PRKAR2A: variants seen among roughly 807,000 people sequenced by gnomAD.
The protein encoded by PRKAR2A is protein kinase cAMP-dependent type II regulatory subunit alpha, also known as cAMP-dependent protein kinase type II-alpha regulatory subunit.
A neutral mutation model predicts 51.9 loss-of-function variants in PRKAR2A; 29 were observed. The observed-to-expected ratio is 0.56, with a 90% CI of 0.42 to 0.76. The LOEUF (loss-of-function observed/expected upper bound fraction) is 0.76. PRKAR2A is among the 30% of genes least tolerant of loss of function. The pLI, the probability that PRKAR2A is intolerant of heterozygous loss-of-function variation, is 0.00. For missense variants in PRKAR2A, 445 were observed against 512.1 expected, an observed-to-expected ratio of 0.87 and a Z score of 1.26; for synonymous variants, 178 against 186.2, an observed-to-expected ratio of 0.96 and a Z score of 0.36.
At chr3:48,842,129 G>A (rs1032937923) in intron 1 of PRKAR2A, among the ~76,000 whole-genome samples, 2 of 151,988 alleles carry the variant, frequency 1.3e-5, no homozygotes, top group African/African-American at 2.4e-5. Flanking sequence ...GGTCCTTCAC[G>A]TCCCTTGTAA....
chr3:48,762,915 T>C (rs2081884818), intron 8 of PRKAR2A, among the ~76,000 whole-genome samples: 1 of 152,198 alleles, frequency 6.6e-6, no homozygotes, highest in Non-Finnish European at 1.5e-5. Flanking sequence ...ATTTCATTTA[T>C]ACTAAATTGT....
chr3:48,808,110 C>T (rs1467477425), intron 1 of PRKAR2A, among the ~76,000 whole-genome samples: 9 of 143,036 alleles, frequency 6.3e-5, no homozygotes, highest in Non-Finnish European at 7.5e-5. Flanking sequence ...TGCAGTGGCG[C>T]GATCTCGGCT....
At chr3:48,752,040 C>T (rs2081656653) in intron 10 of PRKAR2A, 136 bp downstream of exon 10, 1 of 975,594 alleles carries the variant, frequency 1.0e-6, no homozygotes, top group African/African-American at 1.7e-5. Flanking sequence ...ATCCATTCAT[C>T]CATCTCTGGT....
At chr3:48,783,176 T>C (rs760395553) in intron 4 of PRKAR2A, 84 bp from the exon 5 acceptor site, 3 of 879,910 alleles carry the variant, frequency 3.4e-6, no homozygotes, top group Non-Finnish European at 5.5e-6. Context: ...AATTTGTGAC[T>C]ATGTAACAGA....
intron 8 of PRKAR2A, among the ~76,000 whole-genome samples, chr3:48,762,594 C>A (rs1348082227): frequency 6.6e-6 from 1 of 151,948 alleles, no homozygotes; most frequent in African/African-American, 2.4e-5. Context: ...GAGATTATGC[C>A]ACTGTACTCC....
intron 8 of PRKAR2A, among the ~76,000 whole-genome samples, chr3:48,758,808 G>C (rs1288263763): frequency 6.6e-6 from 1 of 152,078 alleles, no homozygotes; most frequent in Non-Finnish European, 1.5e-5. Context: ...TAAGAAAGTA[G>C]GTACTATTAC....
intron 2 of PRKAR2A, among the ~76,000 whole-genome samples, chr3:48,797,527 G>T (rs2082515729): frequency 1.3e-5 from 2 of 152,088 alleles, no homozygotes; most frequent in South Asian, 2.1e-4. Flanking sequence ...ACCAATAAAA[G>T]ATCTGAGAAA....
Position 48,769,347 on chromosome 3 carries a change from C to T in PRKAR2A, c.696+3608G>A, listed in dbSNP as rs866164535. ...TAATTTTTTGTATTTTTAGTAGAGACGGGGTTTCACCGTGTTAGCCAGGAT... is the reference window on the plus strand; with the variant it reads ...TAATTTTTTGTATTTTTAGTAGAGATGGGGTTTCACCGTGTTAGCCAGGAT... On this transcript the variant is annotated intron_variant, in intron 6 of 10. Coordinates refer to ENST00000265563, the MANE Select transcript of PRKAR2A (RefSeq NM_004157.4). Among the ~76,000 whole-genome samples, 9 of 151,448 alleles carry T rather than the reference C, an allele frequency of 5.9e-5. No homozygotes were observed. The South Asian group carries it at 6.3e-4, about 11-fold the overall frequency.
Position 48,768,342 on chromosome 3 carries a change from T to TAG in PRKAR2A, c.697-2994_697-2993insCT, listed in dbSNP as rs766853501. ...ATAGATAGATAGATAGATAGATAGA[T>TAG]ATAGACAGACAGAGAGACAGACAGA... On this transcript the variant is annotated intron_variant, in intron 6 of 10. Transcript: ENST00000265563. 7.9e-4 allele frequency among the ~76,000 whole-genome samples: 117 copies of TAG among 148,966 alleles called. No individual in the cohort carries two copies. In the South Asian group the frequency reaches 0.016, roughly 20 times the overall value.
chr3:48,745,191 T>C (rs544074667), downstream of PRKAR2A, among the ~76,000 whole-genome samples: 43 of 150,946 alleles, frequency 2.8e-4, no homozygotes, highest in Non-Finnish European at 4.6e-4. Context: ...TTTTTTTTTT[T>C]CAGACACCGT....
At chr3:48,819,644 C>T (rs781407195) in intron 1 of PRKAR2A, among the ~76,000 whole-genome samples, 1 of 152,148 alleles carries the variant, frequency 6.6e-6, no homozygotes, top group Non-Finnish European at 1.5e-5. Flanking sequence ...ATTAGAATCC[C>T]CCCAGCTTTT....
At chr3:48,745,700 G>A (rs2081556120), downstream of PRKAR2A, among the ~76,000 whole-genome samples, 1 of 151,688 alleles carries the variant, frequency 6.6e-6, no homozygotes, top group Non-Finnish European at 1.5e-5. Context: ...CACCATACCT[G>A]GCTAATATTT....
At chr3:48,833,737 A>C (rs1293827831) in intron 1 of PRKAR2A, among the ~76,000 whole-genome samples, 1 of 146,682 alleles carries the variant, frequency 6.8e-6, no homozygotes, top group Non-Finnish European at 1.5e-5. Context: ...AAAGAAAGAA[A>C]GAAAATTGTT....
chr3:48,814,934 CAG>C (rs1268896939), intron 1 of PRKAR2A, among the ~76,000 whole-genome samples: 1 of 152,088 alleles, frequency 6.6e-6, no homozygotes, highest in Non-Finnish European at 1.5e-5. Flanking sequence ...ATTTTTGAGA[CAG>C]AGTCTCGCTC....
intron 8 of PRKAR2A, among the ~76,000 whole-genome samples, chr3:48,763,033 A>G (rs1487384754): frequency 6.6e-5 from 10 of 152,190 alleles, no homozygotes; most frequent in Admixed American, 6.5e-4. Context: ...TGGGTGATGG[A>G]AATACCACTT....
chr3:48,755,435 A>G (rs2081745088), intron 9 of PRKAR2A, among the ~76,000 whole-genome samples: 2 of 152,182 alleles, frequency 1.3e-5, no homozygotes, highest in African/African-American at 4.8e-5. Flanking sequence ...TGACAGATTT[A>G]CCAGTAACAG....
rs199815805 is a variant in PRKAR2A, at chr3:48,792,119, AG to A, written c.352-1493del. ...CTCATTTTAAGAGTAACTTGATTTA[AG>A]GGTAACATAATAGATCACTAAAGTT... On this transcript the variant is annotated intron_variant, in intron 3 of 10. Coordinates refer to ENST00000265563, the MANE Select transcript of PRKAR2A (RefSeq NM_004157.4). Among the ~76,000 whole-genome samples, 794 of 152,050 alleles carry A rather than the reference AG, an allele frequency of 5.2e-3. 10 individuals are homozygous for A. The highest frequency in any genetic ancestry group is 0.018 in the African/African-American group (757 of 41,504).
chr3:48,807,730 C>G, intron 1 of PRKAR2A, 46 bp from the exon 2 acceptor site: 1 of 1,548,416 alleles, frequency 6.5e-7, no homozygotes, highest in Non-Finnish European at 8.9e-7. Context: ...TGTCACCAGG[C>G]CGCATTTTTA....
chr3:48,796,767 G>T (rs927972720), intron 2 of PRKAR2A, among the ~76,000 whole-genome samples: 1 of 149,102 alleles, frequency 6.7e-6, no homozygotes, highest in Non-Finnish European at 1.5e-5. Flanking sequence ...TGAGATTACA[G>T]ACGTGAGCAA....
Sources: gnomAD v4.1 joint callset for allele counts (sites outside exome capture counted in the v4.1 genomes callset) on GRCh38, gnomAD v4.1.1 for gene constraint, MANE v1.5 for transcripts, NCBI Gene and HGNC (gene_info 2026-07-23, HGNC 2026-07-21) for gene names.